The following SNAI2 variants were observed in gnomAD, a reference collection of about 807,000 sequenced individuals.
The protein encoded by SNAI2 is snail family transcriptional repressor 2.
SNAI2 carries 2 observed loss-of-function variants against 22.4 expected under a neutral mutation model. The ratio of observed to expected loss-of-function variants is 0.09; its 90% CI spans 0.04 to 0.28. SNAI2 has a LOEUF of 0.28. Ranked by LOEUF, SNAI2 falls within the 10% of genes least tolerant of loss-of-function variation. The pLI, the probability that SNAI2 is intolerant of heterozygous loss-of-function variation, is 1.00. For synonymous variants in SNAI2, 134 were observed against 123.0 expected (o/e 1.09, Z -0.59); for missense variants, 239 against 320.8 (o/e 0.75, Z 1.95).
In SNAI2 at chr8:48,921,352, G is replaced by A. The variant is rs558817324; in HGVS notation, c.-87C>T. ...TCCCTACAGCATCGCGGCGGGCCAG[G>A]CTCGGGCAGGGGCCGTGCTCAGGTG... On this transcript the variant is annotated 5_prime_UTR_variant, in exon 1 of 3. Coordinates refer to ENST00000020945, the MANE Select transcript of SNAI2 (RefSeq NM_003068.5). 8 of 1,030,986 alleles carry A rather than the reference G, an allele frequency of 7.8e-6. No homozygotes were observed. The highest frequency in any genetic ancestry group is 6.2e-5 in the African/African-American group (4 of 64,018). 63.9% of individuals were successfully genotyped at this position (1,030,986 alleles called of 1,614,324 possible). A position where few individuals can be genotyped will look rare whatever the true frequency, so the allele number is the denominator to read the frequency against.
At position 48,920,310 on chromosome 8, in the gene SNAI2, T is replaced by C. The variant is rs530556235; in HGVS notation, c.211A>G (p.Asn71Asp). The change falls in exon 2 of 3, where the codon AAT (asparagine) becomes GAT (aspartate). Residue 71 changes from asparagine to aspartate, a missense_variant. By Grantham distance (23) the Asn-to-Asp change is conservative. Coordinates refer to ENST00000020945, the MANE Select transcript of SNAI2 (RefSeq NM_003068.5). ...TATCCGGAAAGAGGAGAGAGGCCATTGGGTAGCTGGGCGTGGAATGGAGCA... is the reference window on the plus strand; with the variant it reads ...TATCCGGAAAGAGGAGAGAGGCCATCGGGTAGCTGGGCGTGGAATGGAGCA... ...TAAPFHAQLP[N>D]GLSPLSGYSS... 1 of 1,611,656 alleles carries C rather than the reference T, an allele frequency of 6.2e-7. No individual in the cohort carries two copies. Among genetic ancestry groups the C allele is most frequent in the East Asian group, 2.2e-5 (1 of 44,822 alleles).
At position 48,918,760 on chromosome 8, in the gene SNAI2, C is replaced by T. The variant is rs758374701; in HGVS notation, c.*47G>A. 30 of 1,606,078 alleles carry T rather than the reference C, an allele frequency of 1.9e-5. No individual in the cohort carries two copies. In the South Asian group the frequency reaches 2.0e-4, roughly 11 times the overall value. ...TTGGACTTTATTTGTCATTTGGCTT[C>T]GGAGTGAAGAAATGCATTCTGTTCG... On this transcript the variant is annotated 3_prime_UTR_variant, in exon 3 of 3. Transcript: ENST00000020945.
In SNAI2 at chr8:48,917,781, C is replaced by T. The variant is rs1013555322; in HGVS notation, c.*1026G>A. 5.3e-5 allele frequency: 8 copies of T among 152,028 alleles called. No homozygotes were observed. The highest frequency in any genetic ancestry group is 1.2e-4 in the Non-Finnish European group (8 of 67,982). The allele number at this position is 152,028 out of a possible 1,614,324, so 9.4% of individuals were successfully genotyped here. On this transcript the variant is annotated 3_prime_UTR_variant, in exon 3 of 3. Coordinates refer to ENST00000020945, the MANE Select transcript of SNAI2 (RefSeq NM_003068.5). ...ATACAAACGAGATTTTAAATCAAAA[C>T]TGTTTATTGTAAAAAAAACTTGAAA...
At chr8:48,919,823 T>C in intron 2 of SNAI2, 73 bp downstream of exon 2, 1 of 1,481,524 alleles carries the variant, frequency 6.7e-7, no homozygotes, top group Non-Finnish European at 9.4e-7. Flanking sequence ...CACAACTTCA[T>C]GCAAATCCAA....
rs535316181 is a variant in SNAI2 at position 48,917,924 on chromosome 8, A to C, written c.*883T>G. 6.6e-6 allele frequency: 1 copy of C among 152,294 alleles called. No individual in the cohort carries two copies. Among genetic ancestry groups the C allele is most frequent in the African/African-American group, 2.4e-5 (1 of 41,572 alleles). The allele number at this position is 152,294 out of a possible 1,614,324, so 9.4% of individuals were successfully genotyped here. The stretch of plus-strand genomic sequence containing the variant: ...ATTCAATCATATAAAAATAAACACA[A>C]ATTTACATTGACTCATCAACTATAC... On this transcript the variant is annotated 3_prime_UTR_variant, in exon 3 of 3. Coordinates refer to ENST00000020945, the MANE Select transcript of SNAI2 (RefSeq NM_003068.5).
rs138847615 is a variant in SNAI2, at chr8:48,918,881, T to G, written c.733A>C (p.Asn245His). The G allele has an allele frequency of 5.0e-6, 8 of 1,613,998 alleles. No individual in the cohort carries two copies. Among genetic ancestry groups the G allele is most frequent in the Non-Finnish European group, 6.8e-6 (8 of 1,180,022 alleles). Reference sequence around the variant, plus strand: ...ATTCTGGAGAAGGTTTTGGAGCAGTTTTTGCACTGGTATTTCTTTACATCA... The same window carrying G: ...ATTCTGGAGAAGGTTTTGGAGCAGTGTTTGCACTGGTATTTCTTTACATCA... ...HSDVKKYQCK[N>H]CSKTFSRMSL... is the part of the protein sequence containing the mutation. Residue 245 changes from asparagine (N) to histidine (H), a missense_variant, in exon 3 of 3, where the codon AAC (asparagine) becomes CAC (histidine). Coordinates refer to ENST00000020945, the MANE Select transcript of SNAI2 (RefSeq NM_003068.5).
In SNAI2 at chr8:48,921,364, G is replaced by T; in HGVS notation, c.-99C>A. ...CGCGGCGGGCCAGGCTCGGGCAGGGGCCGTGCTCAGGTGCGGCAGACGGAC... is the reference window on the plus strand; with the variant it reads ...CGCGGCGGGCCAGGCTCGGGCAGGGTCCGTGCTCAGGTGCGGCAGACGGAC... On this transcript the variant is annotated 5_prime_UTR_variant, in exon 1 of 3. Coordinates refer to ENST00000020945, the MANE Select transcript of SNAI2 (RefSeq NM_003068.5). The T allele has an allele frequency of 1.1e-6, 1 of 934,896 alleles. No homozygotes were observed. Among genetic ancestry groups the T allele is most frequent in the Non-Finnish European group, 1.7e-6 (1 of 576,068 alleles). The allele number at this position is 934,896 out of a possible 1,614,324, so 57.9% of individuals were successfully genotyped here. A position where few individuals can be genotyped will look rare whatever the true frequency, so the allele number is the denominator to read the frequency against.
chr8:48,918,730 T>C lies in SNAI2; in HGVS notation c.*77A>G. 1 of 1,514,874 alleles carries C rather than the reference T, an allele frequency of 6.6e-7. No homozygotes were observed. Among genetic ancestry groups the C allele is most frequent in the South Asian group, 1.1e-5 (1 of 88,536 alleles). 93.8% of individuals were successfully genotyped at this position (1,514,874 alleles called of 1,614,324 possible). A position where few individuals can be genotyped will look rare whatever the true frequency, so the allele number is the denominator to read the frequency against. ...TTTGGTTGGTCAGCACAGGAGAAAA[T>C]GCCTTTGGACTTTATTTGTCATTTG... On this transcript the variant is annotated 3_prime_UTR_variant, in exon 3 of 3. Coordinates refer to ENST00000020945, the MANE Select transcript of SNAI2 (RefSeq NM_003068.5).
intron 1 of SNAI2, among the ~76,000 whole-genome samples, chr8:48,920,821 G>A (rs927818446): frequency 6.6e-6 from 1 of 152,164 alleles, no homozygotes; most frequent in Non-Finnish European, 1.5e-5. Flanking sequence ...ACGACCGTGA[G>A]TACAAAGATA....
chr8:48,920,106 T>C lies in SNAI2; in HGVS notation c.415A>G (p.Thr139Ala). 6.2e-7 allele frequency: 1 copy of C among 1,614,188 alleles called. No homozygotes were observed. Among genetic ancestry groups the C allele is most frequent in the East Asian group, 2.2e-5 (1 of 44,890 alleles). Reference sequence around the variant, plus strand: ...TTATGTTTGGCCAGCCCAGAAAAAGTTGAATAGGTCTTATTGCATAAATTG... The same window carrying C: ...TTATGTTTGGCCAGCCCAGAAAAAGCTGAATAGGTCTTATTGCATAAATTG... ...QCNLCNKTYS[T>A]FSGLAKHKQL... The change falls in exon 2 of 3, where the codon ACT becomes GCT. Residue 139 changes from threonine (T) to alanine (A), a missense_variant. Coordinates refer to ENST00000020945, the MANE Select transcript of SNAI2 (RefSeq NM_003068.5).
In SNAI2 at chr8:48,917,629, A is replaced by G. The variant is rs1806098001; in HGVS notation, c.*1178T>C. On this transcript the variant is annotated 3_prime_UTR_variant, in exon 3 of 3. Transcript: ENST00000020945. Reference sequence around the variant, plus strand: ...TAATACTAGCAGCTTACTTTATTATAATCTAACACATAAAATAACACTTCA... The same window carrying G: ...TAATACTAGCAGCTTACTTTATTATGATCTAACACATAAAATAACACTTCA... 6.6e-6 allele frequency: 1 copy of G among 152,198 alleles called. No homozygotes were observed. The highest frequency in any genetic ancestry group is 1.5e-5 in the Non-Finnish European group (1 of 68,014). 9.4% of individuals were successfully genotyped at this position (152,198 alleles called of 1,614,324 possible). A position where few individuals can be genotyped will look rare whatever the true frequency, so the allele number is the denominator to read the frequency against.
At position 48,921,245 on chromosome 8, in the gene SNAI2, G is replaced by T; in HGVS notation, c.21C>A (p.Val7=). 1 of 1,613,074 alleles carries T rather than the reference G, an allele frequency of 6.2e-7. No individual in the cohort carries two copies. Among genetic ancestry groups the T allele is most frequent in the South Asian group, 1.1e-5 (1 of 91,066 alleles). Residue 7 remains valine (V), a synonymous_variant, in exon 1 of 3, where the codon GTC becomes GTA. Transcript: ENST00000020945. The part of the protein sequence containing the change: MPRSFL[V]KKHFNASKKP... ...TTTTGGAGGCGTTGAAATGCTTCTT[G>T]ACCAGGAAGGAGCGCGGCATCTTGC...
chr8:48,919,447 G>A (rs1163395863), intron 2 of SNAI2, among the ~76,000 whole-genome samples: 2 of 152,212 alleles, frequency 1.3e-5, no homozygotes, highest in African/African-American at 2.4e-5. Context: ...GAGAGGCAAA[G>A]TAAATTTAGT....
chr8:48,921,062 A>T (rs1806154807), intron 1 of SNAI2, 125 bp downstream of exon 1: 1 of 780,424 alleles, frequency 1.3e-6, no homozygotes, highest in Non-Finnish European at 2.2e-6. Flanking sequence ...CCCTTTCAGG[A>T]CACTGTTAAA....
chr8:48,921,051 T>C, intron 1 of SNAI2, 136 bp downstream of exon 1: 1 of 719,494 alleles, frequency 1.4e-6, no homozygotes, highest in Non-Finnish European at 2.5e-6. Flanking sequence ...GAATGTAAGC[T>C]CCCTTTCAGG....
At chr8:48,919,531 G>C (rs1806129442) in intron 2 of SNAI2, among the ~76,000 whole-genome samples, 1 of 152,218 alleles carries the variant, frequency 6.6e-6, no homozygotes, top group Non-Finnish European at 1.5e-5. Flanking sequence ...TGTAGGAAAA[G>C]CCTTCATCTA....
Position 48,920,032 on chromosome 8 carries a change from G to A in SNAI2, c.489C>T (p.Tyr163=). 1.9e-6 allele frequency: 3 copies of A among 1,614,190 alleles called. No individual in the cohort carries two copies. The highest frequency in any genetic ancestry group is 2.2e-5 in the East Asian group (1 of 44,888). ...AQSRKSFSCK[Y]CDKEYVSLGA... ...CCAGGCTCACATATTCCTTGTCACA[G>A]TATTTACAGCTGAAAGATTTTCTAG... is the stretch of plus-strand genomic sequence containing the variant. Residue 163 remains tyrosine, a synonymous_variant, in exon 2 of 3, where the codon TAC becomes TAT. Transcript: ENST00000020945.
At position 48,918,648 on chromosome 8, in the gene SNAI2, T is replaced by C. The variant is rs1247504686; in HGVS notation, c.*159A>G. On this transcript the variant is annotated 3_prime_UTR_variant, in exon 3 of 3. Coordinates refer to ENST00000020945, the MANE Select transcript of SNAI2 (RefSeq NM_003068.5). ...CATGAATTCCATGCTCTTGCAGCTC[T>C]CTCTCTGTGGGTGTGTGTGTGTGTG... 1.1e-4 allele frequency: 77 copies of C among 679,994 alleles called. No individual in the cohort carries two copies. The South Asian group carries it at 1.3e-3, about 11-fold the overall frequency. 42.1% of individuals were successfully genotyped at this position (679,994 alleles called of 1,614,324 possible). A position where few individuals can be genotyped will look rare whatever the true frequency, so the allele number is the denominator to read the frequency against.
intron 1 of SNAI2, among the ~76,000 whole-genome samples, chr8:48,920,959 G>C (rs545172515): frequency 6.6e-6 from 1 of 152,308 alleles, no homozygotes; most frequent in East Asian, 1.9e-4. Context: ...AGCAAACGAA[G>C]CTGCGAGATT....
Sources: allele counts gnomAD v4.1 joint callset (sites outside exome capture counted in the v4.1 genomes callset), GRCh38; gene constraint gnomAD v4.1.1; transcripts MANE v1.5; gene names NCBI Gene and HGNC (gene_info 2026-07-23, HGNC 2026-07-21).